FZD3: variants seen among roughly 807,000 people sequenced by gnomAD.
FZD3 encodes the protein frizzled class receptor 3.
Under a neutral mutation model 60.7 loss-of-function variants are expected in FZD3, and 30 were observed. That is an observed-to-expected ratio of 0.49 (90% CI 0.37 to 0.67). The LOEUF (loss-of-function observed/expected upper bound fraction) is 0.67. FZD3 is among the 30% of genes least tolerant of loss of function. FZD3 has a pLI of 0.00. For missense variants in FZD3, 605 were observed against 838.7 expected (o/e 0.72, Z 3.44); for synonymous variants, 246 against 275.2 (o/e 0.89, Z 1.05).
At chr8:28,550,877 G>T (rs1296386460) in intron 5 of FZD3, among the ~76,000 whole-genome samples, 4 of 151,998 alleles carry the variant, frequency 2.6e-5, no homozygotes, top group African/African-American at 9.7e-5. Flanking sequence ...CTATTAATTT[G>T]ATTTAAGGCT....
intron 3 of FZD3, among the ~76,000 whole-genome samples, chr8:28,514,270 C>G (rs566325124): frequency 6.6e-6 from 1 of 152,088 alleles, no homozygotes; most frequent in Admixed American, 6.5e-5. Context: ...AGTGTTCAGG[C>G]TACCTCATTT....
chr8:28,508,320 G>C (rs1450573116), intron 3 of FZD3, among the ~76,000 whole-genome samples: 1 of 151,864 alleles, frequency 6.6e-6, no homozygotes, highest in Non-Finnish European at 1.5e-5. Flanking sequence ...AGGAAGCTCT[G>C]GTTCCTTTTA....
chr8:28,534,039 C>G (rs1165523963), intron 5 of FZD3, among the ~76,000 whole-genome samples: 1 of 152,158 alleles, frequency 6.6e-6, no homozygotes, highest in Non-Finnish European at 1.5e-5. Flanking sequence ...TCCACAACAA[C>G]CTTTTCAAAT....
chr8:28,503,574 T>C (rs1311223742), intron 3 of FZD3, among the ~76,000 whole-genome samples: 2 of 152,256 alleles, frequency 1.3e-5, no homozygotes, highest in Non-Finnish European at 2.9e-5. Flanking sequence ...TGCTGCCTTA[T>C]TTGAATTTTT....
rs1036749207 is a variant in FZD3, at chr8:28,571,285, C to T, written c.*8274C>T. The T allele has an allele frequency of 6.6e-6, 1 of 152,150 alleles. No individual in the cohort carries two copies. The highest frequency in any genetic ancestry group is 6.5e-5 in the Admixed American group (1 of 15,282). The allele number at this position is 152,150 out of a possible 1,614,324, so 9.4% of individuals were successfully genotyped here. A position where few individuals can be genotyped will look rare whatever the true frequency, so the allele number is the denominator to read the frequency against. ...GAAATTAACAAATGTCTTCCTTTATCCCTGCCTCAGATAATTTTTCCCTGA... is the reference window on the plus strand; with the variant it reads ...GAAATTAACAAATGTCTTCCTTTATTCCTGCCTCAGATAATTTTTCCCTGA... On this transcript the variant is annotated 3_prime_UTR_variant, in exon 8 of 8. Transcript: ENST00000240093.
intron 6 of FZD3, among the ~76,000 whole-genome samples, chr8:28,554,712 AAT>A (rs1404875062): frequency 6.6e-6 from 1 of 152,068 alleles, no homozygotes; most frequent in African/African-American, 2.4e-5. Context: ...TTCAAAGGAG[AAT>A]ATATATAAAG....
chr8:28,515,487 T>C (rs1226998974), intron 3 of FZD3, among the ~76,000 whole-genome samples: 1 of 152,228 alleles, frequency 6.6e-6, no homozygotes, highest in African/African-American at 2.4e-5. Flanking sequence ...CATACTTCTG[T>C]GTCTTCTCTC....
At chr8:28,534,791 T>C (rs1281958776) in intron 5 of FZD3, among the ~76,000 whole-genome samples, 6 of 152,354 alleles carry the variant, frequency 3.9e-5, no homozygotes, top group South Asian at 4.1e-4. Context: ...AGGAATCTTA[T>C]ACAGACTTCT....
At chr8:28,534,518 A>C (rs1226063018) in intron 5 of FZD3, among the ~76,000 whole-genome samples, 2 of 152,144 alleles carry the variant, frequency 1.3e-5, no homozygotes, top group African/African-American at 2.4e-5. Flanking sequence ...GCACCACTGC[A>C]CTCCAGCCTA....
In FZD3 at chr8:28,565,117, A is replaced by G. The variant is rs936024968; in HGVS notation, c.*2106A>G. 6.6e-6 allele frequency: 1 copy of G among 152,210 alleles called. No individual in the cohort carries two copies. Among genetic ancestry groups the G allele is most frequent in the Non-Finnish European group, 1.5e-5 (1 of 68,022 alleles). 9.4% of individuals were successfully genotyped at this position (152,210 alleles called of 1,614,324 possible). On this transcript the variant is annotated 3_prime_UTR_variant, in exon 8 of 8. Transcript: ENST00000240093. ...TTGAAAAAGAATATTCTCATCAGGC[A>G]GCAAAGTCAGTTTTCTGATAGTAAT...
intron 3 of FZD3, among the ~76,000 whole-genome samples, chr8:28,516,862 T>G (rs1379151535): frequency 2.0e-5 from 3 of 152,182 alleles, no homozygotes; most frequent in Non-Finnish European, 2.9e-5. Flanking sequence ...CCCTAAAAAT[T>G]ATGATGTGTA....
At chr8:28,510,882 C>G (rs1451064801) in intron 3 of FZD3, among the ~76,000 whole-genome samples, 1 of 150,744 alleles carries the variant, frequency 6.6e-6, no homozygotes, top group Non-Finnish European at 1.5e-5. Context: ...ACTAAAAATA[C>G]AAAAATTAGC....
chr8:28,555,629 T>C, intron 6 of FZD3, 109 bp from the exon 7 acceptor site: 1 of 697,028 alleles, frequency 1.4e-6, no homozygotes, highest in Non-Finnish European at 2.6e-6. Context: ...ATAGATCTAA[T>C]TTGGCAAGCA....
chr8:28,569,312 T>A lies in FZD3; in HGVS notation c.*6301T>A, dbSNP rs894737709. The A allele has an allele frequency of 5.3e-5, 8 of 152,070 alleles. No individual in the cohort carries two copies. The highest frequency in any genetic ancestry group is 1.0e-4 in the Non-Finnish European group (7 of 68,000). The allele number at this position is 152,070 out of a possible 1,614,324, so 9.4% of individuals were successfully genotyped here. A position where few individuals can be genotyped will look rare whatever the true frequency, so the allele number is the denominator to read the frequency against. ...TAGTAAAACTGTATTATTTTATTTT[T>A]AAAAATACAATAGGATTTTGAGTCA... On this transcript the variant is annotated 3_prime_UTR_variant, in exon 8 of 8. Transcript: ENST00000240093.
chr8:28,567,203 G>T lies in FZD3; in HGVS notation c.*4192G>T, dbSNP rs1470911218. On this transcript the variant is annotated 3_prime_UTR_variant, in exon 8 of 8. Transcript: ENST00000240093. ...GAGTCTGGCTTTGTTGCCCAGGCTG[G>T]AGTGCAGTGGCACAATCTCAGCTCA... 6.6e-6 allele frequency: 1 copy of T among 152,542 alleles called. No individual in the cohort carries two copies. The highest frequency in any genetic ancestry group is 6.6e-5 in the Admixed American group (1 of 15,256). The allele number at this position is 152,542 out of a possible 1,614,324, so 9.4% of individuals were successfully genotyped here.
Position 28,564,212 on chromosome 8 carries a change from G to A in FZD3, c.*1201G>A, listed in dbSNP as rs944149077. The A allele has an allele frequency of 6.6e-6, 1 of 152,266 alleles. No homozygotes were observed. Among genetic ancestry groups the A allele is most frequent in the African/African-American group, 2.4e-5 (1 of 41,360 alleles). The allele number at this position is 152,266 out of a possible 1,614,324, so 9.4% of individuals were successfully genotyped here. ...TATCATTTAATCTTTAAAAAATCAA[G>A]TAAAAATGTTTATCTGATAATGTTT... On this transcript the variant is annotated 3_prime_UTR_variant, in exon 8 of 8. Coordinates refer to ENST00000240093, the MANE Select transcript of FZD3 (RefSeq NM_017412.4).
chr8:28,550,125 C>T (rs1338096074), intron 5 of FZD3, among the ~76,000 whole-genome samples: 1 of 151,978 alleles, frequency 6.6e-6, no homozygotes, highest in Admixed American at 6.6e-5. Context: ...TCCTATGAAA[C>T]TTTTGGGTCT....
chr8:28,557,747 A>C (rs958841424), intron 7 of FZD3, among the ~76,000 whole-genome samples: 1 of 152,240 alleles, frequency 6.6e-6, no homozygotes, highest in South Asian at 2.1e-4. Context: ...CTTCATTTTA[A>C]CCACAAGGAT....
At chr8:28,526,293 C>T (rs1804713779) in intron 4 of FZD3, among the ~76,000 whole-genome samples, 1 of 152,150 alleles carries the variant, frequency 6.6e-6, no homozygotes, top group African/African-American at 2.4e-5. Flanking sequence ...AGCAATAACA[C>T]ACCCTGTTCA....
Sources: allele counts gnomAD v4.1 joint callset (sites outside exome capture counted in the v4.1 genomes callset), GRCh38; gene constraint gnomAD v4.1.1; transcripts MANE v1.5; gene names NCBI Gene and HGNC (gene_info 2026-07-23, HGNC 2026-07-21).